The following SLCO1A2 variants were observed in gnomAD, a reference collection of about 807,000 sequenced individuals.
SLCO1A2 encodes OATP-1.
Under a neutral mutation model 69.0 loss-of-function variants are expected in SLCO1A2, and 67 were observed. The observed-to-expected ratio is 0.97, with a 90% CI of 0.80 to 1.19. The LOEUF (loss-of-function observed/expected upper bound fraction) is 1.19. Among genes scored for constraint, SLCO1A2 ranks in the 50% most tolerant of loss-of-function variants. SLCO1A2 has a pLI of 0.00. For synonymous variants in SLCO1A2, 260 were observed against 265.9 expected (o/e 0.98, Z 0.22); for missense variants, 787 against 793.7 (o/e 0.99, Z 0.10).
At chr12:21,275,575 A>G in intron 12 of SLCO1A2, 151 bp from the exon 13 acceptor site, 1 of 800,744 alleles carries the variant, frequency 1.2e-6, no homozygotes, top group Non-Finnish European at 1.8e-6. Flanking sequence ...GGGCTTTATT[A>G]TCCAGCTGGC....
chr12:21,401,057 GAACA>G (rs1222074088), intron 1 of SLCO1A2, among the ~76,000 whole-genome samples: 1 of 150,958 alleles, frequency 6.6e-6, no homozygotes, highest in Non-Finnish European at 1.5e-5. Context: ...AAAAAATCAG[GAACA>G]AATAAAGGTT....
chr12:21,354,832 T>C (rs1938235278), intron 2 of SLCO1A2: 1 of 152,170 alleles, frequency 6.6e-6, no homozygotes, highest in Admixed American at 6.6e-5. Flanking sequence ...CTTTGAGCAC[T>C]TCCATATCTT....
chr12:21,404,857 T>G (rs1941796686), intron 1 of SLCO1A2, among the ~76,000 whole-genome samples: 1 of 152,194 alleles, frequency 6.6e-6, no homozygotes, highest in Admixed American at 6.5e-5. Flanking sequence ...CCACCAACAG[T>G]GTAAAAGCAT....
chr12:21,265,707 C>T lies in SLCO1A2; in HGVS notation c.*3841G>A, dbSNP rs1435878373. On this transcript the variant is annotated 3_prime_UTR_variant, in exon 15 of 15. Transcript: ENST00000683939. The stretch of plus-strand genomic sequence containing the variant: ...TTGGCTAAGGGCTCAGGAGAATTTC[C>T]TCAAGGTGTCTTGAAACCTGCACTC... 6.6e-6 allele frequency: 1 copy of T among 152,124 alleles called. No homozygotes were observed. The highest frequency in any genetic ancestry group is 1.5e-5 in the Non-Finnish European group (1 of 68,036). 9.4% of individuals were successfully genotyped at this position (152,124 alleles called of 1,614,324 possible). A position where few individuals can be genotyped will look rare whatever the true frequency, so the allele number is the denominator to read the frequency against.
intron 3 of SLCO1A2, 138 bp downstream of exon 3, chr12:21,318,640 TTAGC>T (rs1951190846): frequency 3.3e-6 from 2 of 602,130 alleles, no homozygotes; most frequent in Non-Finnish European, 5.5e-6. Context: ...TATTCTAAGC[TTAGC>T]TAATCAGTTA....
intron 1 of SLCO1A2, among the ~76,000 whole-genome samples, chr12:21,409,913 C>A (rs1455566335): frequency 6.6e-6 from 1 of 152,132 alleles, no homozygotes. Flanking sequence ...GTGTCCCATA[C>A]ATTTTTTCCT....
At chr12:21,356,571 CT>C in intron 2 of SLCO1A2, among the ~76,000 whole-genome samples, 1 of 152,032 alleles carries the variant, frequency 6.6e-6, no homozygotes, top group South Asian at 2.1e-4. Flanking sequence ...ACATTCAGAG[CT>C]TTTGAAAAAG....
At chr12:21,278,719 C>T (rs554591175) in intron 12 of SLCO1A2, among the ~76,000 whole-genome samples, 1 of 152,224 alleles carries the variant, frequency 6.6e-6, no homozygotes, top group Non-Finnish European at 1.5e-5. Context: ...AAAGCCTGCT[C>T]AAGAAGGATG....
rs1278321813 is a variant in SLCO1A2, at chr12:21,300,495, C to T, written c.763G>A (p.Val255Ile). 6 of 1,613,430 alleles carry T rather than the reference C, an allele frequency of 3.7e-6. No individual in the cohort carries two copies. The highest frequency in any genetic ancestry group is 1.3e-5 in the African/African-American group (1 of 74,876). ...WWFGFLICAG[V>I]NVLTAIPFFF... Reference sequence around the variant, plus strand: ...AAAGGAATGGCAGTGAGCACGTTAACTCCTGCACAAATCAGAAAGCCAAAC... The same window carrying T: ...AAAGGAATGGCAGTGAGCACGTTAATTCCTGCACAAATCAGAAAGCCAAAC... Residue 255 changes from valine to isoleucine, a missense_variant, in exon 8 of 15, where the codon GTT (valine) becomes ATT (isoleucine). Coordinates refer to ENST00000683939, the MANE Select transcript of SLCO1A2 (RefSeq NM_001386879.1).
intron 12 of SLCO1A2, among the ~76,000 whole-genome samples, chr12:21,281,455 A>C (rs1030626374): frequency 1.3e-5 from 2 of 152,152 alleles, no homozygotes; most frequent in African/African-American, 4.8e-5. Context: ...GTCTCAAAAA[A>C]AAAAGAAAAG....
intron 1 of SLCO1A2, among the ~76,000 whole-genome samples, chr12:21,400,945 T>TGCA (rs1941679486): frequency 1.3e-5 from 2 of 149,106 alleles, no homozygotes; most frequent in South Asian, 4.3e-4. Context: ...AGTTAGTGGG[T>TGCA]GCAGCTCACC....
At position 21,269,609 on chromosome 12, in the gene SLCO1A2, C is replaced by T; in HGVS notation, c.1952G>A (p.Cys651Tyr). The T allele has an allele frequency of 1.2e-6, 2 of 1,612,484 alleles. No individual in the cohort carries two copies. Among genetic ancestry groups the T allele is most frequent in the South Asian group, 1.1e-5 (1 of 91,010 alleles). ...ETKVKGKENE[C>Y]KDIYQKSTVL... is the part of the protein sequence containing the mutation. ...CGTGGACTTTTGGTATATATCTTTG[C>T]ACTCATTTTCCTTCCCTTTGACTTT... Residue 651 changes from cysteine (C) to tyrosine (Y), a missense_variant, in exon 15 of 15, where the codon TGC becomes TAC. Coordinates refer to ENST00000683939, the MANE Select transcript of SLCO1A2 (RefSeq NM_001386879.1).
At chr12:21,318,128 C>CATT (rs758357602) in intron 3 of SLCO1A2, among the ~76,000 whole-genome samples, 2 of 143,704 alleles carry the variant, frequency 1.4e-5, no homozygotes, top group African/African-American at 5.2e-5. Flanking sequence ...TCTACCTTTT[C>CATT]TTTTTTTTTT....
intron 12 of SLCO1A2, among the ~76,000 whole-genome samples, chr12:21,280,964 G>C (rs1252017321): frequency 6.6e-6 from 1 of 152,022 alleles, no homozygotes; most frequent in African/African-American, 2.4e-5. Flanking sequence ...ACAAACACGT[G>C]GAAATTGAGC....
intron 3 of SLCO1A2, among the ~76,000 whole-genome samples, chr12:21,315,085 T>G (rs1950706739): frequency 6.6e-6 from 1 of 152,180 alleles, no homozygotes; most frequent in Admixed American, 6.5e-5. Context: ...CCACAGAACA[T>G]TATCATGTTT....
At chr12:21,373,694 G>A (rs1309634466) in intron 2 of SLCO1A2, 6 of 701,698 alleles carry the variant, frequency 8.6e-6, no homozygotes, top group Admixed American at 2.0e-5. Flanking sequence ...GGAACTTAGA[G>A]GGGCAAAGCC....
rs558366811 is a variant in SLCO1A2, at chr12:21,290,700, A to C, written c.1610+1464T>G. Among the ~76,000 whole-genome samples, 10 of 152,214 alleles carry C rather than the reference A, an allele frequency of 6.6e-5. No individual in the cohort carries two copies. The East Asian group carries it at 1.9e-3, about 29-fold the overall frequency. Reference sequence around the variant, plus strand: ...ATGCAAAAGGTAAAGCGGGAAAGCCAGGGGGGAATAAAATTTAAGGGAATA... The same window carrying C: ...ATGCAAAAGGTAAAGCGGGAAAGCCCGGGGGGAATAAAATTTAAGGGAATA... On this transcript the variant is annotated intron_variant, in intron 12 of 14. Coordinates refer to ENST00000683939, the MANE Select transcript of SLCO1A2 (RefSeq NM_001386879.1).
At chr12:21,365,332 C>G (rs1221957013) in intron 2 of SLCO1A2, among the ~76,000 whole-genome samples, 6 of 152,288 alleles carry the variant, frequency 3.9e-5, no homozygotes, top group Admixed American at 2.6e-4. Context: ...GCTGGGAAAA[C>G]TGGCTAGCCA....
intron 1 of SLCO1A2, chr12:21,376,269 A>G: frequency 3.6e-6 from 1 of 281,354 alleles, no homozygotes; most frequent in Non-Finnish European, 7.5e-6. Context: ...AACAGATATT[A>G]CCTTTGAATC....
Sources: allele counts gnomAD v4.1 joint callset (sites outside exome capture counted in the v4.1 genomes callset), GRCh38; gene constraint gnomAD v4.1.1; transcripts MANE v1.5; gene names NCBI Gene and HGNC (gene_info 2026-07-23, HGNC 2026-07-21).